The following MRPL42 variants were observed in gnomAD, a reference collection of about 807,000 sequenced individuals.
MRPL42 encodes the protein mitochondrial ribosomal protein L42.
A neutral mutation model predicts 17.9 loss-of-function variants in MRPL42; 17 were observed. The observed-to-expected ratio is 0.95, with a 90% confidence interval of 0.65 to 1.42. MRPL42 has a LOEUF of 1.42. Among genes scored for constraint, MRPL42 ranks in the 40% most tolerant of loss-of-function variants. MRPL42 has a pLI of 0.00. For synonymous variants in MRPL42, 59 were observed against 54.4 expected (o/e 1.08, Z -0.37); for missense variants, 177 against 175.2 (o/e 1.01, Z -0.06).
chr12:93,483,363 G>A (rs1414951937), intron 4 of MRPL42, among the ~76,000 whole-genome samples: 1 of 152,190 alleles, frequency 6.6e-6, no homozygotes, highest in Non-Finnish European at 1.5e-5. Context: ...ACATCATAGA[G>A]TGTCACTTAC....
Position 93,504,003 on chromosome 12 carries a change from C to CTTTTTTTTTTTTT in MRPL42, c.*2792_*2793insTTTTTTTTTTTTT, listed in dbSNP as rs35963955. On this transcript the variant is annotated 3_prime_UTR_variant, in exon 6 of 6. Coordinates refer to ENST00000549982, the MANE Select transcript of MRPL42 (RefSeq NM_014050.4). Reference sequence around the variant, plus strand: ...TATTTTTTTTTTAAATTTATTTCTTCTTTTTTTTTTCTTATAATCTCATCA... The same window carrying CTTTTTTTTTTTTT: ...TATTTTTTTTTTAAATTTATTTCTTCTTTTTTTTTTTTTTTTTTTTTTTCTTATAATCTCATCA... 6.8e-6 allele frequency: 1 copy of CTTTTTTTTTTTTT among 147,234 alleles called. No homozygotes were observed. The allele number at this position is 147,234 out of a possible 1,614,324, so 9.1% of individuals were successfully genotyped here. A position where few individuals can be genotyped will look rare whatever the true frequency, so the allele number is the denominator to read the frequency against.
At chr12:93,483,355 A>G (rs1363083330) in intron 4 of MRPL42, among the ~76,000 whole-genome samples, 2 of 152,344 alleles carry the variant, frequency 1.3e-5, no homozygotes, top group Admixed American at 6.5e-5. Flanking sequence ...TTACGTGAAC[A>G]TCATAGAGTG....
chr12:93,501,087 C>A, intron 5 of MRPL42, 89 bp from the exon 6 acceptor site: 3 of 995,290 alleles, frequency 3.0e-6, no homozygotes, highest in African/African-American at 1.8e-5. Flanking sequence ...AAAATAGTTC[C>A]AATAGCAAAA....
intron 4 of MRPL42, among the ~76,000 whole-genome samples, chr12:93,487,217 T>C: frequency 6.6e-6 from 1 of 151,248 alleles, no homozygotes; most frequent in Non-Finnish European, 1.5e-5. Context: ...CCTGCCTTGG[T>C]TTCCCAAAGT....
Position 93,469,232 on chromosome 12 carries a change from G to A in MRPL42, c.-54G>A, listed in dbSNP as rs1879781541. 1 of 1,433,804 alleles carries A rather than the reference G, an allele frequency of 7.0e-7. No individual in the cohort carries two copies. Among genetic ancestry groups the A allele is most frequent in the Admixed American group, 2.0e-5 (1 of 49,188 alleles). 88.8% of individuals were successfully genotyped at this position (1,433,804 alleles called of 1,614,324 possible). On this transcript the variant is annotated 5_prime_UTR_variant, in exon 2 of 6. Coordinates refer to ENST00000549982, the MANE Select transcript of MRPL42 (RefSeq NM_014050.4). ...TGCTTAGAAGCAGATTCTAAAAGCAGTTTCTCTTCAGAACATCTTTTTTCA... is the reference window on the plus strand; with the variant it reads ...TGCTTAGAAGCAGATTCTAAAAGCAATTTCTCTTCAGAACATCTTTTTTCA...
chr12:93,491,000 AGT>A (rs1953401254), intron 5 of MRPL42, among the ~76,000 whole-genome samples: 1 of 151,946 alleles, frequency 6.6e-6, no homozygotes, highest in African/African-American at 2.4e-5. Context: ...AAGCGATTCT[AGT>A]GCCTCAGCCT....
intron 5 of MRPL42, among the ~76,000 whole-genome samples, chr12:93,492,277 A>G (rs1384416088): frequency 6.6e-6 from 1 of 152,166 alleles, no homozygotes; most frequent in East Asian, 1.9e-4. Context: ...CCTTGCCAAC[A>G]TTTATTATTT....
At chr12:93,479,938 T>C (rs1441596111) in intron 4 of MRPL42, among the ~76,000 whole-genome samples, 1 of 151,674 alleles carries the variant, frequency 6.6e-6, no homozygotes, top group Non-Finnish European at 1.5e-5. Context: ...CCAACATAGG[T>C]ATATATTTTG....
rs982775642 is a variant in MRPL42, at chr12:93,512,846, G to A, written c.*11625G>A. 1 of 152,100 alleles carries A rather than the reference G, an allele frequency of 6.6e-6. No individual in the cohort carries two copies. Among genetic ancestry groups the A allele is most frequent in the South Asian group, 2.1e-4 (1 of 4,822 alleles). 9.4% of individuals were successfully genotyped at this position (152,100 alleles called of 1,614,324 possible). On this transcript the variant is annotated 3_prime_UTR_variant, in exon 6 of 6. Coordinates refer to ENST00000549982, the MANE Select transcript of MRPL42 (RefSeq NM_014050.4). ...GAATCCATTTATGTCATCAAAAGAG[G>A]ATTTAAATTTAATTGTAAGCTTATA...
At chr12:93,496,669 A>C (rs988779238) in intron 5 of MRPL42, among the ~76,000 whole-genome samples, 3 of 140,110 alleles carry the variant, frequency 2.1e-5, no homozygotes, top group African/African-American at 7.9e-5. Context: ...AAAAAAAGGC[A>C]AGCTCCAACT....
intron 4 of MRPL42, among the ~76,000 whole-genome samples, chr12:93,481,642 G>GTCTCAAGA (rs1880469666): frequency 1.3e-5 from 2 of 152,178 alleles, no homozygotes; most frequent in South Asian, 4.2e-4. Flanking sequence ...ATACCATGGT[G>GTCTCAAGA]TCTCACTTCT....
At chr12:93,489,262 T>C (rs949927451) in intron 5 of MRPL42, among the ~76,000 whole-genome samples, 23 of 152,214 alleles carry the variant, frequency 1.5e-4, no homozygotes, top group East Asian at 9.6e-4. Flanking sequence ...ACTTCACAGA[T>C]AGAGGAAACA....
intron 5 of MRPL42, among the ~76,000 whole-genome samples, chr12:93,494,856 T>C (rs1369995721): frequency 6.6e-6 from 1 of 152,138 alleles, no homozygotes; most frequent in African/African-American, 2.4e-5. Flanking sequence ...ATATTAACTT[T>C]AGATATGTAA....
rs1277914644 is a variant in MRPL42 at position 93,507,342 on chromosome 12, CCTTA to C, written c.*6125_*6128del. On this transcript the variant is annotated 3_prime_UTR_variant, in exon 6 of 6. Coordinates refer to ENST00000549982, the MANE Select transcript of MRPL42 (RefSeq NM_014050.4). ...ATTACATTTGCAGGGAGAAATAACT[CCTTA>C]CTTGTCAGTTTCAGCCTTCACTTTT... 6.6e-6 allele frequency: 1 copy of C among 152,212 alleles called. No homozygotes were observed. Among genetic ancestry groups the C allele is most frequent in the Non-Finnish European group, 1.5e-5 (1 of 68,040 alleles). The allele number at this position is 152,212 out of a possible 1,614,324, so 9.4% of individuals were successfully genotyped here. A position where few individuals can be genotyped will look rare whatever the true frequency, so the allele number is the denominator to read the frequency against.
chr12:93,490,983 C>T (rs534986498), intron 5 of MRPL42, among the ~76,000 whole-genome samples: 54 of 152,266 alleles, frequency 3.5e-4, no homozygotes, highest in African/African-American at 1.3e-3. Context: ...CTCCGCCTCC[C>T]GGATTCAAGC....
intron 5 of MRPL42, among the ~76,000 whole-genome samples, chr12:93,494,259 A>G (rs1400731753): frequency 6.6e-6 from 1 of 152,232 alleles, no homozygotes; most frequent in Non-Finnish European, 1.5e-5. Context: ...CTGCTACGCT[A>G]CAAACAGACT....
chr12:93,486,953 C>A (rs2121231270), intron 4 of MRPL42, among the ~76,000 whole-genome samples: 1 of 150,982 alleles, frequency 6.6e-6, no homozygotes, highest in South Asian at 2.1e-4. Flanking sequence ...CATGAGCCAC[C>A]ACACCCGGCC....
intron 4 of MRPL42, among the ~76,000 whole-genome samples, chr12:93,486,069 G>A (rs1237248175): frequency 1.3e-5 from 2 of 151,958 alleles, no homozygotes; most frequent in African/African-American, 4.8e-5. Flanking sequence ...GGCTCAAGTG[G>A]TTCTGCCACC....
intron 2 of MRPL42, among the ~76,000 whole-genome samples, chr12:93,476,199 A>AT (rs766482739): frequency 5.9e-4 from 90 of 152,084 alleles, no homozygotes; most frequent in Non-Finnish European, 1.1e-3. Flanking sequence ...ATTTTTATTT[A>AT]TTTTTTTGAG....
Sources: gnomAD v4.1 joint callset for allele counts (sites outside exome capture counted in the v4.1 genomes callset) on GRCh38, gnomAD v4.1.1 for gene constraint, MANE v1.5 for transcripts, NCBI Gene and HGNC (gene_info 2026-07-23, HGNC 2026-07-21) for gene names.